Variants in PRSS12 observed in about 807,000 individuals in gnomAD.
PRSS12 encodes the protein neurotrypsin.
In PRSS12, 85 loss-of-function variants were observed where a neutral mutation model predicts 104.4. That is an observed-to-expected ratio of 0.81 (90% CI 0.68 to 0.98). The LOEUF (loss-of-function observed/expected upper bound fraction) is 0.98. Ranked by LOEUF, PRSS12 falls within the 50% of genes least tolerant of loss-of-function variation. PRSS12 has a pLI of 0.00. For missense variants in PRSS12, 1,141 were observed against 1,139.2 expected, an observed-to-expected ratio of 1.00 and a Z score of -0.02; for synonymous variants, 454 against 425.2, an observed-to-expected ratio of 1.07 and a Z score of -0.83.
In PRSS12 at chr4:118,318,613, AT is replaced by A. The variant is rs368541195; in HGVS notation, c.972-58del. On this transcript the variant is annotated intron_variant, in intron 4 of 12. Coordinates refer to ENST00000296498, the MANE Select transcript of PRSS12 (RefSeq NM_003619.4). ...ATTAGATACCAAAGATTGGTCTTTT[AT>A]TTTTTTTTTGTCCCTAGTAAAAGCA... The A allele has an allele frequency of 2.8e-3, 3,568 of 1,284,394 alleles. 1 individual carries two copies. The highest frequency in any genetic ancestry group is 3.6e-3 in the South Asian group (256 of 70,462). 79.6% of individuals were successfully genotyped at this position (1,284,394 alleles called of 1,614,324 possible).
At chr4:118,322,326 G>C (rs1205399318) in intron 4 of PRSS12, among the ~76,000 whole-genome samples, 1 of 152,116 alleles carries the variant, frequency 6.6e-6, no homozygotes, top group Non-Finnish European at 1.5e-5. Flanking sequence ...GAGGCAGGTG[G>C]ATCACCTGAG....
chr4:118,316,854 A>ATATATATATATC (rs1375147278), intron 5 of PRSS12, among the ~76,000 whole-genome samples: 7 of 146,498 alleles, frequency 4.8e-5, no homozygotes, highest in African/African-American at 7.4e-5. Flanking sequence ...ATATATATAT[A>ATATATATATATC]TATCTTTCCT....
intron 11 of PRSS12, among the ~76,000 whole-genome samples, chr4:118,290,309 CTACTTTAA>C (rs1276319490): frequency 6.6e-6 from 1 of 152,090 alleles, no homozygotes; most frequent in Admixed American, 6.5e-5. Flanking sequence ...AGCAATCTTC[CTACTTTAA>C]TACTTTAAGC....
intron 1 of PRSS12, among the ~76,000 whole-genome samples, chr4:118,345,886 C>T (rs1724342494): frequency 6.6e-6 from 1 of 152,206 alleles, no homozygotes; most frequent in Non-Finnish European, 1.5e-5. Context: ...TACCTTGTTT[C>T]CTCCTTGCCA....
chr4:118,312,992 AACAATTTAGGGGTAGAAAT>A lies in PRSS12; in HGVS notation c.1489+190_1489+208del, dbSNP rs1316359690. The A allele has an allele frequency of 5.0e-6, 3 of 603,526 alleles. No individual in the cohort carries two copies. The East Asian group carries it at 8.8e-5, about 18-fold the overall frequency. The allele number at this position is 603,526 out of a possible 1,614,324, so 37.4% of individuals were successfully genotyped here. A position where few individuals can be genotyped will look rare whatever the true frequency, so the allele number is the denominator to read the frequency against. On this transcript the variant is annotated intron_variant, in intron 7 of 12. Transcript: ENST00000296498. ...GAACTTAATTTTCTAAGTAAAGAAA[AACAATTTAGGGGTAGAAAT>A]TTCATAATGTTGGCGCACAGACTCA... is the stretch of plus-strand genomic sequence containing the variant.
Position 118,281,680 on chromosome 4 carries a change from T to G in PRSS12, c.*256A>C. On this transcript the variant is annotated 3_prime_UTR_variant, in exon 13 of 13. Coordinates refer to ENST00000296498, the MANE Select transcript of PRSS12 (RefSeq NM_003619.4). ...ATGATTTTGAGAAATAGGTAGGGGA[T>G]AGATGAGGCTTAGAATAAGTCACTC... 1 of 529,358 alleles carries G rather than the reference T, an allele frequency of 1.9e-6. No individual in the cohort carries two copies. The highest frequency in any genetic ancestry group is 3.4e-6 in the Non-Finnish European group (1 of 293,272). The allele number at this position is 529,358 out of a possible 1,614,324, so 32.8% of individuals were successfully genotyped here. A position where few individuals can be genotyped will look rare whatever the true frequency, so the allele number is the denominator to read the frequency against.
At chr4:118,295,111 A>T in intron 10 of PRSS12, 50 bp from the exon 11 acceptor site, 2 of 1,603,654 alleles carry the variant, frequency 1.2e-6, no homozygotes, top group Non-Finnish European at 1.7e-6. Context: ...GCAAAAAAGC[A>T]AAGGAAAGCA....
At chr4:118,335,888 G>A (rs1724052890) in intron 2 of PRSS12, among the ~76,000 whole-genome samples, 1 of 152,146 alleles carries the variant, frequency 6.6e-6, no homozygotes. Context: ...ACTACTTTAT[G>A]TGCCTTTACC....
At position 118,298,808 on chromosome 4, in the gene PRSS12, T is replaced by G; in HGVS notation, c.1762A>C (p.Asn588His). 11 of 1,614,202 alleles carry G rather than the reference T, an allele frequency of 6.8e-6. No homozygotes were observed. Among genetic ancestry groups the G allele is most frequent in the Non-Finnish European group, 9.3e-6 (11 of 1,180,030 alleles). ...CCTGCATCTTCACTGTGGCGGCAGT[T>G]GTGTCTTCCAATATCTTGCTTGATA... ...DCIKQDIGRH[N>H]CRHSEDAGVI... The change falls in exon 9 of 13, where the codon AAC (asparagine) becomes CAC (histidine). Residue 588 changes from asparagine to histidine, a missense_variant. Transcript: ENST00000296498.
intron 3 of PRSS12, among the ~76,000 whole-genome samples, chr4:118,334,757 G>A (rs1724019722): frequency 6.6e-6 from 1 of 152,108 alleles, no homozygotes. Flanking sequence ...CAAGTCCTGG[G>A]ATATCTGGTC....
chr4:118,325,333 A>AC (rs1328494325), intron 4 of PRSS12, among the ~76,000 whole-genome samples: 5 of 151,820 alleles, frequency 3.3e-5, no homozygotes, highest in African/African-American at 1.2e-4. Flanking sequence ...TAAAAAAAAA[A>AC]AAAAAACACT....
In PRSS12 at chr4:118,316,256, G is replaced by T. The variant is rs1240609471; in HGVS notation, c.1218C>A (p.Gly406=). The T allele has an allele frequency of 6.2e-7, 1 of 1,613,918 alleles. No individual in the cohort carries two copies. Among genetic ancestry groups the T allele is most frequent in the South Asian group, 1.1e-5 (1 of 91,050 alleles). The change falls in exon 6 of 13, where the codon GGC becomes GGA. Residue 406 remains glycine (G), a synonymous_variant. Transcript: ENST00000296498. ...CATCATCACAGACAGTTCCCCACTG[G>T]CCTCTGTAATATACCTCCAAGCGAC... ...HEGRLEVYYR[G]QWGTVCDDGW...
intron 11 of PRSS12, among the ~76,000 whole-genome samples, chr4:118,284,409 ACTT>A (rs1361834141): frequency 6.6e-6 from 1 of 152,100 alleles, no homozygotes; most frequent in Non-Finnish European, 1.5e-5. Context: ...GCATTCCACT[ACTT>A]ATAACATTCT....
intron 1 of PRSS12, among the ~76,000 whole-genome samples, chr4:118,349,444 T>C (rs1183275817): frequency 6.6e-6 from 1 of 151,878 alleles, no homozygotes; most frequent in Non-Finnish European, 1.5e-5. Flanking sequence ...AGATATCTTT[T>C]AAGCATAAGA....
chr4:118,300,330 A>T (rs575084847), intron 8 of PRSS12, among the ~76,000 whole-genome samples: 11 of 151,952 alleles, frequency 7.2e-5, no homozygotes, highest in Admixed American at 2.6e-4. Flanking sequence ...ACAATTTTTA[A>T]CGGAGACAGA....
intron 2 of PRSS12, 63 bp downstream of exon 2, chr4:118,338,113 C>A: frequency 6.3e-7 from 1 of 1,592,154 alleles, no homozygotes; most frequent in South Asian, 1.1e-5. Context: ...AAAGCAATGA[C>A]GGGCACCCAG....
Position 118,282,994 on chromosome 4 carries a change from T to A in PRSS12, c.2157A>T (p.Arg719=), listed in dbSNP as rs766067643. 4 of 1,614,066 alleles carry A rather than the reference T, an allele frequency of 2.5e-6. No individual in the cohort carries two copies. In the Admixed American group the frequency reaches 6.7e-5, roughly 27 times the overall value. The part of the protein sequence containing the change: ...VQQIVIHREY[R]PDRSDYDIAL... ...CTATGTCATAATCACTGCGGTCGGGTCGATACTCCCGATGAATCACAATCT... is the reference window on the plus strand; with the variant it reads ...CTATGTCATAATCACTGCGGTCGGGACGATACTCCCGATGAATCACAATCT... The change falls in exon 12 of 13, where the codon CGA becomes CGT. Residue 719 remains arginine, a synonymous_variant. Coordinates refer to ENST00000296498, the MANE Select transcript of PRSS12 (RefSeq NM_003619.4).
At chr4:118,348,754 C>T (rs758605596) in intron 1 of PRSS12, among the ~76,000 whole-genome samples, 44 of 151,706 alleles carry the variant, frequency 2.9e-4, no homozygotes, top group South Asian at 2.1e-4. Flanking sequence ...CAGGTTCAAG[C>T]GATTCTCCTG....
At chr4:118,290,910 A>G (rs1743111726) in intron 11 of PRSS12, among the ~76,000 whole-genome samples, 1 of 152,142 alleles carries the variant, frequency 6.6e-6, no homozygotes, top group Non-Finnish European at 1.5e-5. Context: ...GTATAAAAGT[A>G]TAAAATTAGG....
Sources: allele counts gnomAD v4.1 joint callset (sites outside exome capture counted in the v4.1 genomes callset), GRCh38; gene constraint gnomAD v4.1.1; transcripts MANE v1.5; gene names NCBI Gene and HGNC (gene_info 2026-07-23, HGNC 2026-07-21).